MEFV: variants seen among roughly 807,000 people sequenced by gnomAD.
The protein encoded by MEFV is pyrin.
In MEFV, 60 loss-of-function variants were observed where a neutral mutation model predicts 62.5. The ratio of observed to expected loss-of-function variants is 0.96; its 90% confidence interval spans 0.78 to 1.19. MEFV has a LOEUF of 1.19. Among genes scored for constraint, MEFV ranks in the 50% most tolerant of loss-of-function variants. The probability of loss-of-function intolerance (pLI) is 0.00; values close to 1 mark genes in which losing one functional copy is unlikely to be tolerated. For synonymous variants in MEFV, 500 were observed against 415.2 expected (o/e 1.20, Z -2.48); for missense variants, 1,169 against 1,004.5 (o/e 1.16, Z -2.21).
In MEFV at chr16:3,243,521, C is replaced by T. The variant is rs1022125045; in HGVS notation, c.1966G>A (p.Glu656Lys). The change falls in exon 10 of 10, where the codon GAG becomes AAG. Residue 656 changes from glutamate to lysine, a missense_variant. Coordinates refer to ENST00000219596, the MANE Select transcript of MEFV (RefSeq NM_000243.3). ...PSFLSGRRYW[E>K]VEVGDKTAWI... Reference sequence around the variant, plus strand: ...GCTGTCTTGTCTCCAACCTCCACCTCCCAGTAACGGCGGCCAGAGAGGAAA... The same window carrying T: ...GCTGTCTTGTCTCCAACCTCCACCTTCCAGTAACGGCGGCCAGAGAGGAAA... 1 of 1,613,856 alleles carries T rather than the reference C, an allele frequency of 6.2e-7. No individual in the cohort carries two copies. Among genetic ancestry groups the T allele is most frequent in the African/African-American group, 1.3e-5 (1 of 74,910 alleles).
At chr16:3,252,493 C>T (rs1440859863) in intron 2 of MEFV, among the ~76,000 whole-genome samples, 15 of 151,984 alleles carry the variant, frequency 9.9e-5, no homozygotes, top group African/African-American at 3.4e-4. Flanking sequence ...AGGCTGGTCT[C>T]GAACTCCTCA....
rs104895201 is a variant in MEFV, at chr16:3,243,323, C to A, written c.2164G>T (p.Val722Leu). 3 of 1,614,194 alleles carry A rather than the reference C, an allele frequency of 1.9e-6. No homozygotes were observed. Among genetic ancestry groups the A allele is most frequent in the South Asian group, 2.2e-5 (2 of 91,090 alleles). Reference sequence around the variant, plus strand: ...GAGATGCTTCCAACTCTGTAGTCCACGAAGATGCCCACACGCTTGGGAGGC... The same window carrying A: ...GAGATGCTTCCAACTCTGTAGTCCAAGAAGATGCCCACACGCTTGGGAGGC... ...KEPPKRVGIFVDYRVGSISFY... is the reference protein window; with the variant it reads ...KEPPKRVGIFLDYRVGSISFY... Residue 722 changes from valine (V) to leucine (L), a missense_variant, in exon 10 of 10, where the codon GTG becomes TTG. By Grantham distance (32) the Val-to-Leu change is conservative. Transcript: ENST00000219596.
rs587783379 is a variant in MEFV, at chr16:3,254,699, G to T, written c.369C>A (p.His123Gln). The T allele has an allele frequency of 6.2e-7, 1 of 1,612,742 alleles. No homozygotes were observed. ...NKPRSLKTPD[H>Q]PEGNEGNGPR... ...GGCCGTTCCCCTCGTTCCCCTCGGGGTGGTCTGGAGTCTTCAGGCTCCTGG... is the reference window on the plus strand; with the variant it reads ...GGCCGTTCCCCTCGTTCCCCTCGGGTTGGTCTGGAGTCTTCAGGCTCCTGG... The change falls in exon 2 of 10, where the codon CAC (histidine) becomes CAA (glutamine). Residue 123 changes from histidine (H) to glutamine (Q), a missense_variant. Coordinates refer to ENST00000219596, the MANE Select transcript of MEFV (RefSeq NM_000243.3).
intron 1 of MEFV, among the ~76,000 whole-genome samples, chr16:3,255,177 C>T (rs1412142386): frequency 2.6e-5 from 4 of 152,098 alleles, no homozygotes; most frequent in African/African-American, 7.2e-5. Flanking sequence ...CTCAGCCAGA[C>T]GCGGTGGTGC....
rs567036095 is a variant in MEFV, at chr16:3,254,613, C to G, written c.455G>C (p.Gly152Ala). 6.2e-7 allele frequency: 1 copy of G among 1,602,694 alleles called. No homozygotes were observed. The highest frequency in any genetic ancestry group is 1.7e-5 in the Admixed American group (1 of 59,206). ...LRCSQPEAGR[G>A]LSRKPLSKRR... Reference sequence around the variant, plus strand: ...TTTGCTCAGGGGCTTCCTCGACAGCCCCCTCCCGGCCTCGGGCTGGCTGCA... The same window carrying G: ...TTTGCTCAGGGGCTTCCTCGACAGCGCCCTCCCGGCCTCGGGCTGGCTGCA... The change falls in exon 2 of 10, where the codon GGG becomes GCG. Residue 152 changes from glycine to alanine, a missense_variant. By Grantham distance (60) the Gly-to-Ala change is moderately conservative. Transcript: ENST00000219596.
chr16:3,245,975 C>T (rs1958937059), intron 6 of MEFV, among the ~76,000 whole-genome samples: 1 of 152,182 alleles, frequency 6.6e-6, no homozygotes, highest in Admixed American at 6.5e-5. Flanking sequence ...GACTATGATT[C>T]AGCCATAAAA....
In MEFV at chr16:3,254,400, T is replaced by C. The variant is rs1449453116; in HGVS notation, c.668A>G (p.Gln223Arg). Residue 223 changes from glutamine (Q) to arginine (R), a missense_variant, in exon 2 of 10, where the codon CAG becomes CGG. Physicochemically the swap from Gln to Arg is conservative, Grantham distance 43 (BLOSUM62 1). Transcript: ENST00000219596. ...CACTTCGAAGGGCCTGCACTCCTTCTGCCCCGGGGCGCCCCCCGCCAGCCC... is the reference window on the plus strand; with the variant it reads ...CACTTCGAAGGGCCTGCACTCCTTCCGCCCCGGGGCGCCCCCCGCCAGCCC... Reference protein sequence around the residue: ...LQGLAGGAPGQKECRPFEVYL... With the variant: ...LQGLAGGAPGRKECRPFEVYL... 3 of 1,613,256 alleles carry C rather than the reference T, an allele frequency of 1.9e-6. No homozygotes were observed. Among genetic ancestry groups the C allele is most frequent in the Admixed American group, 1.7e-5 (1 of 60,030 alleles).
At position 3,254,558 on chromosome 16, in the gene MEFV, G is replaced by C. The variant is rs1234279922; in HGVS notation, c.510C>G (p.Asp170Glu). 6.4e-7 allele frequency: 1 copy of C among 1,563,588 alleles called. No homozygotes were observed. Among genetic ancestry groups the C allele is most frequent in the East Asian group, 2.4e-5 (1 of 42,420 alleles). ...KRREKASEGLDAQGKPRTRSP... is the reference protein window; with the variant it reads ...KRREKASEGLEAQGKPRTRSP... ...TCCGGGTCCGAGGCTTGCCCTGCGCGTCCAGGCCCTCCGAGGCCTTCTCTC... is the reference window on the plus strand; with the variant it reads ...TCCGGGTCCGAGGCTTGCCCTGCGCCTCCAGGCCCTCCGAGGCCTTCTCTC... The change falls in exon 2 of 10, where the codon GAC (aspartate) becomes GAG (glutamate). Residue 170 changes from aspartate (D) to glutamate (E), a missense_variant. Coordinates refer to ENST00000219596, the MANE Select transcript of MEFV (RefSeq NM_000243.3).
At chr16:3,249,913 G>C (rs1959008849) in intron 2 of MEFV, 133 bp from the exon 3 acceptor site, 9 of 766,470 alleles carry the variant, frequency 1.2e-5, no homozygotes, top group Non-Finnish European at 2.0e-5. Flanking sequence ...CCACTTCCTA[G>C]CTTGTCCTCC....
chr16:3,255,646 A>G lies in MEFV; in HGVS notation c.277+665T>C, dbSNP rs895169039. ...GGTCTCAAACTCCTGAGCTCTAGCA[A>G]TCCACCCACCTTAGCCTCCCAAAGT... is the stretch of plus-strand genomic sequence containing the variant. On this transcript the variant is annotated intron_variant, in intron 1 of 9. Transcript: ENST00000219596. Among the ~76,000 whole-genome samples, 11 of 151,914 alleles carry G rather than the reference A, an allele frequency of 7.2e-5. No individual in the cohort carries two copies. The East Asian group carries it at 1.6e-3, about 22-fold the overall frequency.
chr16:3,243,572 A>C lies in MEFV; in HGVS notation c.1915T>G (p.Cys639Gly). The C allele has an allele frequency of 1.2e-6, 2 of 1,609,440 alleles. No homozygotes were observed. The highest frequency in any genetic ancestry group is 1.7e-6 in the Non-Finnish European group (2 of 1,177,228). The change falls in exon 10 of 10, where the codon TGT becomes GGT. Residue 639 changes from cysteine (C) to glycine (G), a missense_variant. Coordinates refer to ENST00000219596, the MANE Select transcript of MEFV (RefSeq NM_000243.3). ...LPDGPQRFDS[C>G]IIVLGSPSFL... ...CTCGGAGAGCCCAGAACAATGATACAGCTGTCAAATCTTTGCGGGCCATCA... is the reference window on the plus strand; with the variant it reads ...CTCGGAGAGCCCAGAACAATGATACCGCTGTCAAATCTTTGCGGGCCATCA...
intron 8 of MEFV, 97 bp from the exon 9 acceptor site, chr16:3,243,989 C>A: frequency 1.3e-6 from 2 of 1,574,228 alleles, no homozygotes; most frequent in East Asian, 2.3e-5. Flanking sequence ...ACAAGGAACC[C>A]CCTGCTTAGG....
At chr16:3,247,789 C>A in intron 4 of MEFV, 1 of 160,234 alleles carries the variant, frequency 6.2e-6, no homozygotes. Context: ...CAAAAATTAG[C>A]CAGGAGTGGT....
intron 2 of MEFV, among the ~76,000 whole-genome samples, chr16:3,252,757 G>A (rs1247081629): frequency 6.9e-6 from 1 of 144,756 alleles, no homozygotes; most frequent in Non-Finnish European, 1.5e-5. Context: ...GGGCAACATA[G>A]ACAGTCCTCG....
At position 3,243,154 on chromosome 16, in the gene MEFV, TGACCACCCACTG is replaced by T; in HGVS notation, c.2321_2332del (p.Pro774_Gly777del). 1 of 1,613,554 alleles carries T rather than the reference TGACCACCCACTG, an allele frequency of 6.2e-7. No homozygotes were observed. The highest frequency in any genetic ancestry group is 2.2e-5 in the East Asian group (1 of 44,878). On this transcript the variant is annotated inframe_deletion, in exon 10 of 10. Coordinates refer to ENST00000219596, the MANE Select transcript of MEFV (RefSeq NM_000243.3). ...AGTGTTGGGCATTCAGTCAGGCCCC[TGACCACCCACTG>T]GACAGATAGTCAGAGGAGCTGTGTT...
chr16:3,254,078 G>C, intron 2 of MEFV, 80 bp downstream of exon 2: 2 of 1,510,922 alleles, frequency 1.3e-6, no homozygotes, highest in Middle Eastern at 1.7e-4. Context: ...AAAGCGCTGG[G>C]ATTACAGGCA....
intron 6 of MEFV, among the ~76,000 whole-genome samples, chr16:3,246,219 G>C (rs1415304939): frequency 6.6e-6 from 1 of 152,154 alleles, no homozygotes; most frequent in Non-Finnish European, 1.5e-5. Context: ...GCTTTCATCA[G>C]ATGAACTGCA....
In MEFV at chr16:3,256,300, G is replaced by GGCCC. The variant is rs1567238675; in HGVS notation, c.277+7_277+10dup. ...CAGCACTGGATGAGGAGGAGGCCTGGGCCCGCTTACCCTGAATGGCTGCCC... is the reference window on the plus strand; with the variant it reads ...CAGCACTGGATGAGGAGGAGGCCTGGGCCCGCCCGCTTACCCTGAATGGCTGCCC... On this transcript the variant is annotated intron_variant, in intron 1 of 9. Transcript: ENST00000219596. 8 of 1,612,900 alleles carry GGCCC rather than the reference G, an allele frequency of 5.0e-6. No homozygotes were observed. The highest frequency in any genetic ancestry group is 6.8e-6 in the Non-Finnish European group (8 of 1,179,748).
chr16:3,243,574 C>G lies in MEFV; in HGVS notation c.1913G>C (p.Ser638Thr), dbSNP rs1181953901. The G allele has an allele frequency of 1.2e-6, 2 of 1,607,154 alleles. No homozygotes were observed. ...RLPDGPQRFD[S>T]CIIVLGSPSF... ...CGGAGAGCCCAGAACAATGATACAG[C>G]TGTCAAATCTTTGCGGGCCATCAGG... Residue 638 changes from serine (S) to threonine (T), a missense_variant, in exon 10 of 10, where the codon AGC (serine) becomes ACC (threonine). Ser to Thr is a moderately conservative substitution (Grantham distance 58). Transcript: ENST00000219596.
Sources: gnomAD v4.1 joint callset for allele counts (sites outside exome capture counted in the v4.1 genomes callset) on GRCh38, gnomAD v4.1.1 for gene constraint, MANE v1.5 for transcripts, NCBI Gene and HGNC (gene_info 2026-07-23, HGNC 2026-07-21) for gene names.